The following JAKMIP1 variants were observed in gnomAD, a reference collection of about 807,000 sequenced individuals.
The protein encoded by JAKMIP1 is janus kinase and microtubule interacting protein 1.
JAKMIP1 carries 33 observed loss-of-function variants against 113.0 expected under a neutral mutation model. The ratio of observed to expected loss-of-function variants is 0.29; its 90% confidence interval spans 0.22 to 0.39. The LOEUF (loss-of-function observed/expected upper bound fraction) is 0.39, where lower values mean the gene tolerates loss of function less well. Among genes scored for constraint, JAKMIP1 ranks in the 10% least tolerant of loss-of-function variants. The pLI, the probability that JAKMIP1 is intolerant of heterozygous loss-of-function variation, is 1.00. For synonymous variants in JAKMIP1, 480 were observed against 459.9 expected, an observed-to-expected ratio of 1.04 and a Z score of -0.56; for missense variants, 813 against 1,080.5, an observed-to-expected ratio of 0.75 and a Z score of 3.47.
intron 8 of JAKMIP1, among the ~76,000 whole-genome samples, chr4:6,068,242 C>T (rs1005860204): frequency 2.0e-5 from 3 of 152,168 alleles, no homozygotes; most frequent in Non-Finnish European, 2.9e-5. Flanking sequence ...CATTAACTAC[C>T]GATGTTGCCG....
In JAKMIP1 at chr4:6,136,911, G is replaced by A. The variant is rs577966664; in HGVS notation, c.-147-23914C>T. 2.0e-5 allele frequency among the ~76,000 whole-genome samples: 3 copies of A among 152,278 alleles called. No homozygotes were observed. Among genetic ancestry groups the A allele is most frequent in the East Asian group, 1.9e-4 (1 of 5,178 alleles). On this transcript the variant is annotated intron_variant, in intron 1 of 20. Coordinates refer to ENST00000409021, the MANE Select transcript of JAKMIP1 (RefSeq NM_001099433.2). The surrounding 1 kb of genome is among the most constrained non-coding windows in gnomAD (Gnocchi z 5.9). The stretch of plus-strand genomic sequence containing the variant: ...ACAGTTGCGTTGAAGTTTGGCAAGC[G>A]CATGGGATTCCACTGACCATGCCAT...
In JAKMIP1 at chr4:6,141,537, T is replaced by C. The variant is rs1029638142; in HGVS notation, c.-147-28540A>G. The stretch of plus-strand genomic sequence containing the variant: ...GGGTTGCTGCTTTACAAAACAAATA[T>C]TGACTACAGTCCTTAGGACCCCCAT... On this transcript the variant is annotated intron_variant, in intron 1 of 20. Coordinates refer to ENST00000409021, the MANE Select transcript of JAKMIP1 (RefSeq NM_001099433.2). The surrounding 1 kb of genome is among the most constrained non-coding windows in gnomAD (Gnocchi z 9.4). Among the ~76,000 whole-genome samples, 3 of 152,232 alleles carry C rather than the reference T, an allele frequency of 2.0e-5. No individual in the cohort carries two copies. Among genetic ancestry groups the C allele is most frequent in the African/African-American group, 7.2e-5 (3 of 41,460 alleles).
chr4:6,058,013 G>A (rs78813290), intron 11 of JAKMIP1, among the ~76,000 whole-genome samples: 2,265 of 152,356 alleles, frequency 0.015, 57 homozygotes, highest in African/African-American at 0.051. Flanking sequence ...AAGTATTGGG[G>A]TGGTTTGTTA....
rs974350869 is a variant in JAKMIP1 at position 6,064,499 on chromosome 4, T to C, written c.1431+381A>G. On this transcript the variant is annotated intron_variant, in intron 9 of 20. Transcript: ENST00000409021. The surrounding 1 kb of genome is among the most constrained non-coding windows in gnomAD (Gnocchi z 4.3). ...GATGCTGTTTCTGCCCGGTGGTGTG[T>C]CCGTGTGTGCACACATGCGTGGGGA... 6.6e-6 allele frequency among the ~76,000 whole-genome samples: 1 copy of C among 152,206 alleles called. No homozygotes were observed. The highest frequency in any genetic ancestry group is 1.5e-5 in the Non-Finnish European group (1 of 68,040).
Position 6,105,974 on chromosome 4 carries a change from C to A in JAKMIP1, c.130-7G>T. 7 of 1,564,336 alleles carry A rather than the reference C, an allele frequency of 4.5e-6. No individual in the cohort carries two copies. The highest frequency in any genetic ancestry group is 6.1e-6 in the Non-Finnish European group (7 of 1,150,892). Reference sequence around the variant, plus strand: ...GCTCGCGCAGTTTGCCCACCTGCAGCCAGAGCGGCGAGAGAGCCGGTCAGG... The same window carrying A: ...GCTCGCGCAGTTTGCCCACCTGCAGACAGAGCGGCGAGAGAGCCGGTCAGG... On this transcript the variant is annotated splice_region_variant and splice_polypyrimidine_tract_variant and intron_variant, in intron 2 of 20. Coordinates refer to ENST00000409021, the MANE Select transcript of JAKMIP1 (RefSeq NM_001099433.2).
At chr4:6,182,423 A>AAAAAG (rs1553864360) in intron 1 of JAKMIP1, among the ~76,000 whole-genome samples, 105 of 140,176 alleles carry the variant, frequency 7.5e-4, no homozygotes, top group East Asian at 6.9e-3. Flanking sequence ...AAAAAAAAAA[A>AAAAAG]AAAGAAAGAA....
rs1347480414 is a variant in JAKMIP1, at chr4:6,156,818, T to C, written c.-148+43435A>G. ...GAATCTCATGGCCACACCTGGCACA[T>C]GGACATGGTCTGCCCATGATAGGTG... On this transcript the variant is annotated intron_variant, in intron 1 of 20. Transcript: ENST00000409021. The surrounding 1 kb of genome is among the most constrained non-coding windows in gnomAD (Gnocchi z 5.0). 1.3e-5 allele frequency among the ~76,000 whole-genome samples: 2 copies of C among 152,240 alleles called. No individual in the cohort carries two copies. The highest frequency in any genetic ancestry group is 2.4e-5 in the African/African-American group (1 of 41,468).
Position 6,151,619 on chromosome 4 carries a change from G to A in JAKMIP1, c.-147-38622C>T, listed in dbSNP as rs543004062. 4.6e-5 allele frequency among the ~76,000 whole-genome samples: 7 copies of A among 152,236 alleles called. No individual in the cohort carries two copies. The South Asian group carries it at 6.2e-4, about 14-fold the overall frequency. On this transcript the variant is annotated intron_variant, in intron 1 of 20. Coordinates refer to ENST00000409021, the MANE Select transcript of JAKMIP1 (RefSeq NM_001099433.2). ...TCACAGCACTGTGACCTTCACAGCC[G>A]CATTTAAGCTCAGAGTCCTCCAGTC...
intron 1 of JAKMIP1, among the ~76,000 whole-genome samples, chr4:6,177,985 G>A (rs979799483): frequency 2.0e-5 from 3 of 152,176 alleles, no homozygotes; most frequent in African/African-American, 7.2e-5. Flanking sequence ...AAGTGCATCC[G>A]GCTTCACTTC....
At position 6,050,753 on chromosome 4, in the gene JAKMIP1, A is replaced by G. The variant is rs1578092668; in HGVS notation, c.1807-74T>C. On this transcript the variant is annotated intron_variant, in intron 13 of 20. Coordinates refer to ENST00000409021, the MANE Select transcript of JAKMIP1 (RefSeq NM_001099433.2). The surrounding 1 kb of genome is among the most constrained non-coding windows in gnomAD (Gnocchi z 7.4). ...CACTTGCCATTTTCCCACGTTACTC[A>G]GCAAAAACCAAGGAATTCCAGTGGG... is the stretch of plus-strand genomic sequence containing the variant. 1 of 1,234,956 alleles carries G rather than the reference A, an allele frequency of 8.1e-7. No individual in the cohort carries two copies. Among genetic ancestry groups the G allele is most frequent in the East Asian group, 2.6e-5 (1 of 39,200 alleles). 76.5% of individuals were successfully genotyped at this position (1,234,956 alleles called of 1,614,324 possible).
chr4:6,036,626 C>T (rs888504257), intron 18 of JAKMIP1, among the ~76,000 whole-genome samples: 1 of 152,194 alleles, frequency 6.6e-6, no homozygotes, highest in Non-Finnish European at 1.5e-5. Flanking sequence ...AAGCAAGCCA[C>T]CCTTTTTGGC....
intron 1 of JAKMIP1, among the ~76,000 whole-genome samples, chr4:6,119,751 A>G (rs1011051723): frequency 6.6e-6 from 1 of 152,198 alleles, no homozygotes; most frequent in African/African-American, 2.4e-5. Flanking sequence ...CTACAGTCAC[A>G]ATTCACAACC....
Position 6,158,161 on chromosome 4 carries a change from G to A in JAKMIP1, c.-148+42092C>T, listed in dbSNP as rs574358095. Among the ~76,000 whole-genome samples the A allele has an allele frequency of 3.3e-5, 5 of 152,304 alleles. No individual in the cohort carries two copies. The highest frequency in any genetic ancestry group is 7.2e-5 in the African/African-American group (3 of 41,572). ...AACGCAAGGATGGGGAGAACGGATCGCCTCACAGTGTGGAGGGCAGACCAT... is the reference window on the plus strand; with the variant it reads ...AACGCAAGGATGGGGAGAACGGATCACCTCACAGTGTGGAGGGCAGACCAT... On this transcript the variant is annotated intron_variant, in intron 1 of 20. Coordinates refer to ENST00000409021, the MANE Select transcript of JAKMIP1 (RefSeq NM_001099433.2). This position sits in a 1 kb window ranked among gnomAD's most constrained non-coding sequence, Gnocchi z 5.3.
intron 18 of JAKMIP1, 70 bp from the exon 19 acceptor site, chr4:6,036,177 T>A (rs1713407651): frequency 8.0e-7 from 1 of 1,250,252 alleles, no homozygotes; most frequent in Non-Finnish European, 1.1e-6. Flanking sequence ...AGAAGGCTGC[T>A]GCCAGTGGAG....
At position 6,106,046 on chromosome 4, in the gene JAKMIP1, C is replaced by G. The variant is rs1326721671; in HGVS notation, c.130-79G>C. ...AGGGTCAGGGTCACAGCTGGGGGAG[C>G]TGGCCACAGCCTCCCCACGCCCAAG... On this transcript the variant is annotated intron_variant, in intron 2 of 20. Transcript: ENST00000409021. The surrounding 1 kb of genome is among the most constrained non-coding windows in gnomAD (Gnocchi z 5.9). 10 of 960,496 alleles carry G rather than the reference C, an allele frequency of 1.0e-5. No individual in the cohort carries two copies. The highest frequency in any genetic ancestry group is 1.6e-5 in the South Asian group (1 of 61,056). The allele number at this position is 960,496 out of a possible 1,614,324, so 59.5% of individuals were successfully genotyped here.
At chr4:6,175,148 A>AG (rs981981544) in intron 1 of JAKMIP1, among the ~76,000 whole-genome samples, 1 of 151,984 alleles carries the variant, frequency 6.6e-6, no homozygotes, top group Non-Finnish European at 1.5e-5. Flanking sequence ...GACCAACATC[A>AG]GGGGGCAGCA....
chr4:6,048,999 T>G, intron 15 of JAKMIP1, 77 bp from the exon 16 acceptor site: 1 of 1,081,070 alleles, frequency 9.3e-7, no homozygotes, highest in East Asian at 2.4e-5. Context: ...CCAAGCAAGT[T>G]TTTTTTTTTC....
At chr4:6,098,031 A>T (rs1404327814) in intron 3 of JAKMIP1, among the ~76,000 whole-genome samples, 1 of 152,232 alleles carries the variant, frequency 6.6e-6, no homozygotes, top group Non-Finnish European at 1.5e-5. Context: ...TCGAGTTTGG[A>T]GTTCGAGAAC....
chr4:6,162,990 T>C lies in JAKMIP1; in HGVS notation c.-148+37263A>G, dbSNP rs1723147872. Among the ~76,000 whole-genome samples, 1 of 152,190 alleles carries C rather than the reference T, an allele frequency of 6.6e-6. No individual in the cohort carries two copies. Among genetic ancestry groups the C allele is most frequent in the Admixed American group, 6.5e-5 (1 of 15,278 alleles). ...CGGGAAGATGCTGGGAACATCTGGT[T>C]CTGTTGTCTGCTAATCAAATCCAGC... On this transcript the variant is annotated intron_variant, in intron 1 of 20. Transcript: ENST00000409021. The surrounding 1 kb of genome is among the most constrained non-coding windows in gnomAD (Gnocchi z 5.6).
Sources: allele counts gnomAD v4.1 joint callset (sites outside exome capture counted in the v4.1 genomes callset), GRCh38; gene constraint gnomAD v4.1.1; non-coding constraint Gnocchi (gnomAD v3.1); transcripts MANE v1.5; gene names NCBI Gene and HGNC (gene_info 2026-07-23, HGNC 2026-07-21).